OVCH1: variants seen among roughly 807,000 people sequenced by gnomAD.
The protein encoded by OVCH1 is ovochymase-1.
A neutral mutation model predicts 138.4 loss-of-function variants in OVCH1; 139 were observed. The observed-to-expected ratio is 1.00, with a 90% CI of 0.87 to 1.16. The LOEUF is 1.16. Ranked by LOEUF, OVCH1 falls within the 50% of genes most tolerant of loss-of-function variation. OVCH1 has a pLI of 0.00. For synonymous variants in OVCH1, 453 were observed against 467.8 expected (o/e 0.97, Z 0.41); for missense variants, 1,367 against 1,357.9 (o/e 1.01, Z -0.11).
downstream of OVCH1, among the ~76,000 whole-genome samples, chr12:29,424,971 C>T (rs1001399208): frequency 6.6e-6 from 1 of 152,074 alleles, no homozygotes; most frequent in Non-Finnish European, 1.5e-5. Context: ...AACATGGGAT[C>T]CTTAACACGC....
intron 15 of OVCH1, 29 bp from the exon 16 acceptor site, chr12:29,472,011 T>A (rs1313290992): frequency 1.3e-6 from 2 of 1,574,914 alleles, no homozygotes; most frequent in Non-Finnish European, 1.7e-6. Context: ...CAATGACCCA[T>A]AAGGTTGCAG....
At chr12:29,476,808 G>T (rs2217907) in intron 12 of OVCH1, among the ~76,000 whole-genome samples, 3 of 31,510 alleles carry the variant, frequency 9.5e-5, no homozygotes, top group Admixed American at 2.3e-4. Flanking sequence ...CACACACACA[G>T]GTTAGTAAAT....
At chr12:29,408,606 A>G (rs1230384288), downstream of OVCH1, among the ~76,000 whole-genome samples, 21 of 134,066 alleles carry the variant, frequency 1.6e-4, no homozygotes, top group African/African-American at 5.4e-4. Context: ...ATGCTGGATT[A>G]CATTTATTGA....
At chr12:29,462,472 C>T (rs1440402275) in intron 18 of OVCH1, among the ~76,000 whole-genome samples, 1 of 150,018 alleles carries the variant, frequency 6.7e-6, no homozygotes, top group Non-Finnish European at 1.5e-5. Context: ...TGTTCTTCAT[C>T]TACTGTCATT....
At chr12:29,427,832 A>G (rs1274955721) in intron 27 of OVCH1, among the ~76,000 whole-genome samples, 1 of 152,212 alleles carries the variant, frequency 6.6e-6, no homozygotes, top group Non-Finnish European at 1.5e-5. Flanking sequence ...GTGCGAGCTC[A>G]CAAATAAATG....
chr12:29,409,059 T>A (rs1351399100), downstream of OVCH1, among the ~76,000 whole-genome samples: 1 of 152,176 alleles, frequency 6.6e-6, no homozygotes, highest in African/African-American at 2.4e-5. Context: ...GTCGAGGAAT[T>A]TATCCATTTC....
intron 26 of OVCH1, among the ~76,000 whole-genome samples, chr12:29,435,238 C>G (rs1380648425): frequency 6.6e-6 from 1 of 151,980 alleles, no homozygotes; most frequent in Non-Finnish European, 1.5e-5. Flanking sequence ...AGCCTGTAGT[C>G]CCAGCTACTG....
intron 4 of OVCH1, among the ~76,000 whole-genome samples, chr12:29,493,982 C>T (rs1475161878): frequency 1.3e-5 from 2 of 152,162 alleles, no homozygotes; most frequent in Non-Finnish European, 2.9e-5. Context: ...TCACCTGGAA[C>T]CACTTTAAAA....
intron 22 of OVCH1, among the ~76,000 whole-genome samples, chr12:29,447,184 G>T (rs1197677707): frequency 6.6e-6 from 1 of 152,008 alleles, no homozygotes; most frequent in East Asian, 1.9e-4. Context: ...AAAAAAACAA[G>T]CTGGGTACAG....
intron 18 of OVCH1, among the ~76,000 whole-genome samples, chr12:29,462,785 G>T (rs1942184169): frequency 6.6e-6 from 1 of 152,002 alleles, no homozygotes; most frequent in Admixed American, 6.6e-5. Context: ...ATATGAAAAA[G>T]CCAGACCTCT....
intron 26 of OVCH1, among the ~76,000 whole-genome samples, chr12:29,437,112 G>A (rs1406745408): frequency 6.6e-6 from 1 of 152,118 alleles, no homozygotes; most frequent in Non-Finnish European, 1.5e-5. Context: ...GCTCATTGGT[G>A]CGTTTACAAA....
chr12:29,479,588 T>G (rs1942857663), intron 8 of OVCH1, among the ~76,000 whole-genome samples: 1 of 152,230 alleles, frequency 6.6e-6, no homozygotes, highest in Admixed American at 6.5e-5. Context: ...TCCTAGCTTC[T>G]TCCATGTCTC....
downstream of OVCH1, chr12:29,427,476 G>C: frequency 6.6e-7 from 1 of 1,507,836 alleles, no homozygotes; most frequent in Non-Finnish European, 8.9e-7. Flanking sequence ...AGGTAAGGTA[G>C]CATTTGAATG....
At chr12:29,471,191 A>G (rs1054749162) in intron 16 of OVCH1, among the ~76,000 whole-genome samples, 2 of 152,180 alleles carry the variant, frequency 1.3e-5, no homozygotes, top group Non-Finnish European at 2.9e-5. Flanking sequence ...TTTAACATTA[A>G]TATCTATTCT....
intron 8 of OVCH1, 90 bp from the exon 10 acceptor site, chr12:29,479,058 C>G (rs1426506801): frequency 2.1e-6 from 1 of 471,312 alleles, no homozygotes; most frequent in African/African-American, 2.0e-5. Context: ...GCTCACAACT[C>G]AACAACCATA....
chr12:29,452,427 CT>C (rs926759046), intron 21 of OVCH1, among the ~76,000 whole-genome samples: 1 of 144,814 alleles, frequency 6.9e-6, no homozygotes, highest in Admixed American at 6.9e-5. Context: ...TGTTAGTCCT[CT>C]TTTTTTATCT....
At chr12:29,474,074 T>TACACATACACACACACACAC (rs1555150617) in intron 14 of OVCH1, among the ~76,000 whole-genome samples, 1 of 145,194 alleles carries the variant, frequency 6.9e-6, no homozygotes, top group Non-Finnish European at 1.5e-5. Flanking sequence ...CACACACACA[T>TACACATACACACACACACAC]ACACACACAC....
chr12:29,410,767 G>T (rs1467516334), downstream of OVCH1, among the ~76,000 whole-genome samples: 1 of 151,428 alleles, frequency 6.6e-6, no homozygotes, highest in Admixed American at 6.6e-5. Flanking sequence ...TCCAACTTTG[G>T]TGAATCTGAC....
chr12:29,456,328 G>T (rs1190703652), intron 19 of OVCH1, among the ~76,000 whole-genome samples: 1 of 151,986 alleles, frequency 6.6e-6, no homozygotes, highest in Non-Finnish European at 1.5e-5. Context: ...CATAATTATT[G>T]AATTCAAGGA....
Sources: allele counts gnomAD v4.1 joint callset (sites outside exome capture counted in the v4.1 genomes callset), GRCh38; gene constraint gnomAD v4.1.1; transcripts MANE v1.5; gene names NCBI Gene and HGNC (gene_info 2026-07-23, HGNC 2026-07-21).